The following B4GALT5 variants were observed in gnomAD, a reference collection of about 807,000 sequenced individuals.
B4GALT5 encodes beta-1,4-galactosyltransferase 5.
Under a neutral mutation model 45.0 loss-of-function variants are expected in B4GALT5, and 11 were observed. The ratio of observed to expected loss-of-function variants is 0.24; its 90% CI spans 0.15 to 0.40. The LOEUF is 0.40. Among genes scored for constraint, B4GALT5 ranks in the 10% least tolerant of loss-of-function variants. The probability of loss-of-function intolerance (pLI) is 1.00; values close to 1 mark genes in which losing one functional copy is unlikely to be tolerated. For missense variants in B4GALT5, 337 were observed against 500.2 expected (o/e 0.67, Z 3.11); for synonymous variants, 185 against 182.9 (o/e 1.01, Z -0.09).
chr20:49,707,385 C>T (rs1193973881), intron 1 of B4GALT5, among the ~76,000 whole-genome samples: 1 of 151,902 alleles, frequency 6.6e-6, no homozygotes, highest in Non-Finnish European at 1.5e-5. Context: ...AAAAAGGTGT[C>T]CTTCACGGGA....
At chr20:49,693,159 C>T (rs1003598748) in intron 1 of B4GALT5, among the ~76,000 whole-genome samples, 22 of 152,128 alleles carry the variant, frequency 1.4e-4, no homozygotes, top group African/African-American at 4.1e-4. Flanking sequence ...AGCTTAACAA[C>T]GCATTTCTCA....
At chr20:49,639,835 G>A in intron 6 of B4GALT5, 35 bp from the exon 7 acceptor site, 1 of 1,607,940 alleles carries the variant, frequency 6.2e-7, no homozygotes, top group South Asian at 1.1e-5. Context: ...TCATCTGTGT[G>A]TTACAGGGTA....
At chr20:49,692,153 T>G (rs1160609352) in intron 1 of B4GALT5, among the ~76,000 whole-genome samples, 1 of 151,916 alleles carries the variant, frequency 6.6e-6, no homozygotes, top group African/African-American at 2.4e-5. Context: ...TCTCACCTAC[T>G]GTTTTTTTTT....
At chr20:49,660,411 G>A (rs911828588) in intron 1 of B4GALT5, among the ~76,000 whole-genome samples, 1 of 152,204 alleles carries the variant, frequency 6.6e-6, no homozygotes, top group African/African-American at 2.4e-5. Context: ...AGAACATCAA[G>A]TGAGTCTCTG....
chr20:49,640,330 C>G (rs1292462713), intron 6 of B4GALT5, 148 bp downstream of exon 6: 43 of 659,132 alleles, frequency 6.5e-5, no homozygotes, highest in Non-Finnish European at 1.0e-4. Context: ...TCCTGCCAAA[C>G]AGTGCTCCAA....
At chr20:49,645,153 G>A (rs1007789789) in intron 3 of B4GALT5, among the ~76,000 whole-genome samples, 1 of 151,920 alleles carries the variant, frequency 6.6e-6, no homozygotes, top group Non-Finnish European at 1.5e-5. Context: ...GAGGCAGGAC[G>A]ATTGCTCCCT....
chr20:49,656,359 T>C (rs752022933), intron 2 of B4GALT5, among the ~76,000 whole-genome samples: 2 of 152,226 alleles, frequency 1.3e-5, no homozygotes, highest in Non-Finnish European at 2.9e-5. Context: ...TCAAGTACTC[T>C]TTTATAGCAA....
chr20:49,658,740 A>C (rs1003419467), intron 1 of B4GALT5, among the ~76,000 whole-genome samples: 3 of 152,116 alleles, frequency 2.0e-5, no homozygotes, highest in African/African-American at 7.2e-5. Flanking sequence ...AGGTCCCACT[A>C]CCCAGACTGA....
chr20:49,701,155 A>C (rs2085859942), intron 1 of B4GALT5, among the ~76,000 whole-genome samples: 1 of 152,232 alleles, frequency 6.6e-6, no homozygotes, highest in African/African-American at 2.4e-5. Flanking sequence ...GGTGTTACAC[A>C]GAGATTAATG....
intron 1 of B4GALT5, among the ~76,000 whole-genome samples, chr20:49,699,367 CAAAAAAA>C (rs11476698): frequency 1.1e-5 from 1 of 93,798 alleles, no homozygotes; most frequent in Non-Finnish European, 2.1e-5. Context: ...CCTAAATGGG[CAAAAAAA>C]AAAAAAAAAA....
chr20:49,640,120 T>C (rs1362415841), intron 6 of B4GALT5, among the ~76,000 whole-genome samples: 1 of 152,128 alleles, frequency 6.6e-6, no homozygotes, highest in Non-Finnish European at 1.5e-5. Context: ...TTGCACCCAT[T>C]AGCAATCACC....
chr20:49,651,091 C>A (rs1423201830), intron 2 of B4GALT5, among the ~76,000 whole-genome samples: 1 of 152,166 alleles, frequency 6.6e-6, no homozygotes, highest in Non-Finnish European at 1.5e-5. Flanking sequence ...CCAGACCAGC[C>A]TGACCAACAT....
chr20:49,644,163 G>C (rs1218986163), intron 3 of B4GALT5, among the ~76,000 whole-genome samples: 1 of 151,978 alleles, frequency 6.6e-6, no homozygotes, highest in Non-Finnish European at 1.5e-5. Context: ...CTGACCTCAA[G>C]GGATCCACCC....
At chr20:49,713,346 G>A (rs1012105618) in intron 1 of B4GALT5, among the ~76,000 whole-genome samples, 1 of 152,018 alleles carries the variant, frequency 6.6e-6, no homozygotes, top group African/African-American at 2.4e-5. Flanking sequence ...GGCGTTAGGA[G>A]GGGCGGGGTG....
intron 2 of B4GALT5, among the ~76,000 whole-genome samples, chr20:49,649,905 T>C (rs1364778938): frequency 6.6e-6 from 1 of 152,196 alleles, no homozygotes; most frequent in African/African-American, 2.4e-5. Flanking sequence ...ATACATTCAC[T>C]AGAAGGCAAT....
At chr20:49,639,050 TA>T (rs2085565279) in intron 7 of B4GALT5, among the ~76,000 whole-genome samples, 1 of 152,234 alleles carries the variant, frequency 6.6e-6, no homozygotes, top group Non-Finnish European at 1.5e-5. Context: ...TTTGTGATTT[TA>T]AAAACTGACA....
chr20:49,705,902 G>A (rs1195942459), intron 1 of B4GALT5, among the ~76,000 whole-genome samples: 2 of 151,900 alleles, frequency 1.3e-5, no homozygotes, highest in African/African-American at 2.4e-5. Flanking sequence ...TCATAAGGCC[G>A]GGTGCAGTGG....
intron 1 of B4GALT5, 134 bp from the exon 2 acceptor site, chr20:49,656,836 AC>A: frequency 8.8e-7 from 1 of 1,130,010 alleles, no homozygotes; most frequent in Non-Finnish European, 1.2e-6. Context: ...ACCCTACATG[AC>A]CATAACTCTA....
intron 1 of B4GALT5, among the ~76,000 whole-genome samples, chr20:49,709,537 T>C (rs934508797): frequency 6.6e-6 from 1 of 152,162 alleles, no homozygotes; most frequent in Non-Finnish European, 1.5e-5. Context: ...TTTGGGAGAC[T>C]GAGGTGGGTG....
Sources: allele counts gnomAD v4.1 joint callset (sites outside exome capture counted in the v4.1 genomes callset), GRCh38; gene constraint gnomAD v4.1.1; transcripts MANE v1.5; gene names NCBI Gene and HGNC (gene_info 2026-07-23, HGNC 2026-07-21).